KLC1: variants seen among roughly 807,000 people sequenced by gnomAD.
KLC1 encodes the protein kinesin 2 60/70kDa.
In KLC1, 30 loss-of-function variants were observed where a neutral mutation model predicts 84.2. That is an observed-to-expected ratio of 0.36 (90% CI 0.27 to 0.48). The LOEUF is 0.48. Ranked by LOEUF, KLC1 falls within the 20% of genes least tolerant of loss-of-function variation. The pLI is 0.99. For missense variants in KLC1, 499 were observed against 805.4 expected, an observed-to-expected ratio of 0.62 and a Z score of 4.60; for synonymous variants, 289 against 293.3, an observed-to-expected ratio of 0.99 and a Z score of 0.15.
chr14:103,667,736 A>G (rs2079994566), intron 5 of KLC1, among the ~76,000 whole-genome samples: 1 of 152,268 alleles, frequency 6.6e-6, no homozygotes, highest in Admixed American at 6.5e-5. Flanking sequence ...ACAACAATAT[A>G]TTAATACGTG....
In KLC1 at chr14:103,677,287, T is replaced by A; in HGVS notation, c.1380-128T>A. ...TTACAATTTTACAGTTTCAGAAAAG[T>A]ACAAGAGAAAGTTAAAATATATTCA... On this transcript the variant is annotated intron_variant, in intron 11 of 16. Coordinates refer to ENST00000334553, the MANE Select transcript of KLC1 (RefSeq NM_001394837.1). 3 of 671,456 alleles carry A rather than the reference T, an allele frequency of 4.5e-6. No individual in the cohort carries two copies. In the South Asian group the frequency reaches 5.3e-5, roughly 12 times the overall value. 41.6% of individuals were successfully genotyped at this position (671,456 alleles called of 1,614,324 possible). A position where few individuals can be genotyped will look rare whatever the true frequency, so the allele number is the denominator to read the frequency against.
At chr14:103,659,431 GTC>G (rs927058911) in intron 3 of KLC1, among the ~76,000 whole-genome samples, 13 of 152,226 alleles carry the variant, frequency 8.5e-5, no homozygotes, top group African/African-American at 3.1e-4. Context: ...CCATAACCCA[GTC>G]TCCCCTGATC....
rs1418595564 is a variant in KLC1, at chr14:103,694,925, A to G, written c.1848+2500A>G. 2 of 985,484 alleles carry G rather than the reference A, an allele frequency of 2.0e-6. No individual in the cohort carries two copies. Among genetic ancestry groups the G allele is most frequent in the Non-Finnish European group, 2.4e-6 (2 of 829,954 alleles). 61.0% of individuals were successfully genotyped at this position (985,484 alleles called of 1,614,324 possible). ...TTGTGAAAGCGCGTTTGTTTCCACAAGACAAGCTCCGTGTAGTCGCCAGCG... is the reference window on the plus strand; with the variant it reads ...TTGTGAAAGCGCGTTTGTTTCCACAGGACAAGCTCCGTGTAGTCGCCAGCG... On this transcript the variant is annotated intron_variant, in intron 15 of 16. Transcript: ENST00000334553. The surrounding 1 kb of genome is among the most constrained non-coding windows in gnomAD (Gnocchi z 4.5).
chr14:103,687,184 C>A lies in KLC1; in HGVS notation c.1754C>A (p.Ser585Ter). ...GTTAGGAAGCTGAAGGGAGGAAGTT[C>A]ACGAGAGAGTGAGCCAAAGAACCCC... ...KLVRKLKGGS[S>*]RESEPKNPGM... is the part of the protein sequence containing the mutation. The change falls in exon 14 of 17, where the codon TCA (serine) becomes TAA (stop). Residue 585 changes from serine to a stop codon, truncating the protein, a stop_gained. Transcript: ENST00000334553. LOFTEE classifies it high-confidence loss of function. 1 of 1,547,638 alleles carries A rather than the reference C, an allele frequency of 6.5e-7. No homozygotes were observed. Among genetic ancestry groups the A allele is most frequent in the South Asian group, 1.2e-5 (1 of 83,918 alleles).
intron 14 of KLC1, among the ~76,000 whole-genome samples, chr14:103,689,793 T>C (rs575351852): frequency 3.3e-5 from 5 of 152,340 alleles, no homozygotes; most frequent in Non-Finnish European, 7.3e-5. Flanking sequence ...ACAAGGCAGT[T>C]CGCAAGAGTG....
intron 1 of KLC1, among the ~76,000 whole-genome samples, chr14:103,633,479 C>T (rs917870155): frequency 6.6e-6 from 1 of 152,074 alleles, no homozygotes; most frequent in African/African-American, 2.4e-5. Flanking sequence ...CTCGGCAAGC[C>T]TCAGGATTAG....
chr14:103,699,643 T>C lies in KLC1; in HGVS notation c.1849-1012T>C, dbSNP rs547210605. ...CCCGCCCCAGGTGACCAGACCCCGT[T>C]TGGACTGTCACTCGACCGTCTGAAA... is the stretch of plus-strand genomic sequence containing the variant. On this transcript the variant is annotated intron_variant, in intron 15 of 16. Transcript: ENST00000334553. 10 of 1,532,046 alleles carry C rather than the reference T, an allele frequency of 6.5e-6. No individual in the cohort carries two copies. The South Asian group carries it at 6.8e-5, about 10-fold the overall frequency. The allele number at this position is 1,532,046 out of a possible 1,614,324, so 94.9% of individuals were successfully genotyped here. A position where few individuals can be genotyped will look rare whatever the true frequency, so the allele number is the denominator to read the frequency against.
intron 13 of KLC1, among the ~76,000 whole-genome samples, chr14:103,680,297 A>G (rs1218771128): frequency 1.4e-5 from 2 of 145,082 alleles, no homozygotes; most frequent in Non-Finnish European, 3.0e-5. Flanking sequence ...TTTTTGATAC[A>G]TAAGCTGATG....
intron 12 of KLC1, among the ~76,000 whole-genome samples, chr14:103,678,158 G>A (rs977031962): frequency 2.0e-5 from 3 of 152,230 alleles, no homozygotes; most frequent in African/African-American, 7.2e-5. Flanking sequence ...AGCTACTGGG[G>A]AGGCTGAGGC....
At chr14:103,688,992 C>T (rs949171905) in intron 14 of KLC1, among the ~76,000 whole-genome samples, 3 of 152,128 alleles carry the variant, frequency 2.0e-5, no homozygotes, top group African/African-American at 4.8e-5. Flanking sequence ...ATCTGCCTCT[C>T]GATGAATTTT....
At chr14:103,633,199 A>T (rs2076814190) in intron 1 of KLC1, among the ~76,000 whole-genome samples, 3 of 152,052 alleles carry the variant, frequency 2.0e-5, no homozygotes, top group African/African-American at 7.2e-5. Flanking sequence ...CTGGGACTAC[A>T]GGTGCGTGCC....
In KLC1 at chr14:103,677,420, C is replaced by G; in HGVS notation, c.1385C>G (p.Thr462Ser). The G allele has an allele frequency of 6.2e-7, 1 of 1,603,880 alleles. No homozygotes were observed. The highest frequency in any genetic ancestry group is 8.5e-7 in the Non-Finnish European group (1 of 1,170,658). Reference sequence around the variant, plus strand: ...TGTCATGTGCTTTCTTACAGTCCAACTGTTACAACCACTCTAAAAAACCTT... The same window carrying G: ...TGTCATGTGCTTTCTTACAGTCCAAGTGTTACAACCACTCTAAAAAACCTT... ...WYKACKVDSP[T>S]VTTTLKNLGA... The change falls in exon 12 of 17, where the codon ACT becomes AGT. Residue 462 changes from threonine to serine, a missense_variant. Around this residue, in one of 3 missense-constraint regions of KLC1, gnomAD observed 153 missense variants for 332.4 expected, o/e 0.46. Coordinates refer to ENST00000334553, the MANE Select transcript of KLC1 (RefSeq NM_001394837.1).
chr14:103,677,019 A>G (rs2080953218), intron 11 of KLC1, among the ~76,000 whole-genome samples: 2 of 152,208 alleles, frequency 1.3e-5, no homozygotes, highest in African/African-American at 4.8e-5. Flanking sequence ...AGACGGCAGC[A>G]CGTGAGCAGC....
At chr14:103,657,081 G>C (rs1217429734) in intron 2 of KLC1, among the ~76,000 whole-genome samples, 1 of 152,070 alleles carries the variant, frequency 6.6e-6, no homozygotes, top group African/African-American at 2.4e-5. Flanking sequence ...TCTCACCTTG[G>C]AACATCAAGG....
chr14:103,680,445 T>C (rs1303692758), intron 13 of KLC1, among the ~76,000 whole-genome samples: 1 of 152,218 alleles, frequency 6.6e-6, no homozygotes, highest in Middle Eastern at 3.2e-3. Context: ...ATTGTAGTTT[T>C]GGGCTTTCTT....
chr14:103,636,371 G>A (rs867202382), intron 1 of KLC1, among the ~76,000 whole-genome samples: 3 of 152,006 alleles, frequency 2.0e-5, no homozygotes, highest in South Asian at 2.1e-4. Flanking sequence ...ACAGTCATGG[G>A]CCACCATGCC....
chr14:103,685,591 C>A, intron 13 of KLC1: 15 of 1,289,240 alleles, frequency 1.2e-5, no homozygotes, highest in Non-Finnish European at 1.4e-5. Flanking sequence ...GTTGCCTTTC[C>A]TCGCCGCGGT....
At chr14:103,637,620 G>A (rs2077147618) in intron 1 of KLC1, among the ~76,000 whole-genome samples, 1 of 151,614 alleles carries the variant, frequency 6.6e-6, no homozygotes, top group Non-Finnish European at 1.5e-5. Flanking sequence ...AATTCTGAAA[G>A]CATATCTATA....
chr14:103,679,420 G>C lies in KLC1; in HGVS notation c.1525G>C (p.Val509Leu). 1 of 1,614,052 alleles carries C rather than the reference G, an allele frequency of 6.2e-7. No homozygotes were observed. The highest frequency in any genetic ancestry group is 1.1e-5 in the South Asian group (1 of 91,080). ...DNVHKQRVAE[V>L]LNDPENMEKR... ...TGTTCACAAACAGAGGGTGGCAGAA[G>C]TGCTCAATGACCCTGAGAACATGGA... is the stretch of plus-strand genomic sequence containing the variant. The change falls in exon 13 of 17, where the codon GTG becomes CTG. Residue 509 changes from valine to leucine, a missense_variant. This residue lies in a region of KLC1 where 167 missense variants were observed against 208.8 expected (regional missense o/e 0.80). Coordinates refer to ENST00000334553, the MANE Select transcript of KLC1 (RefSeq NM_001394837.1).
Sources: allele counts gnomAD v4.1 joint callset (sites outside exome capture counted in the v4.1 genomes callset), GRCh38; gene constraint gnomAD v4.1.1; regional missense constraint gnomAD v4.1.1; non-coding constraint Gnocchi (gnomAD v3.1); transcripts MANE v1.5; gene names NCBI Gene and HGNC (gene_info 2026-07-23, HGNC 2026-07-21).